Variants in TENM1 observed in about 807,000 individuals in gnomAD.
TENM1 encodes teneurin-1.
A neutral mutation model predicts 174.8 loss-of-function variants in TENM1; 35 were observed. That is an observed-to-expected ratio of 0.20 (90% confidence interval 0.15 to 0.27). TENM1 has a LOEUF of 0.27. TENM1 is among the 10% of genes least tolerant of loss of function. The pLI is 1.00. For missense variants in TENM1, 1,633 were observed against 2,130.1 expected, an observed-to-expected ratio of 0.77 and a Z score of 4.59; for synonymous variants, 781 against 798.7, an observed-to-expected ratio of 0.98 and a Z score of 0.37.
intron 3 of TENM1, among the ~76,000 whole-genome samples, chrX:124,887,228 G>A (rs999386619): frequency 1.8e-5 from 2 of 110,470 alleles, no homozygotes; most frequent in Non-Finnish European, 3.8e-5. Flanking sequence ...CAAGGGACTG[G>A]CTAAAAAAAA....
chrX:124,713,839 C>CG (rs767305119), intron 4 of TENM1, among the ~76,000 whole-genome samples: 1 of 111,789 alleles, frequency 8.9e-6, no homozygotes, highest in East Asian at 2.8e-4. Flanking sequence ...GTTCTATTTG[C>CG]GGGCAAATAT....
At chrX:124,874,604 AT>A (rs2057166001) in intron 3 of TENM1, among the ~76,000 whole-genome samples, 1 of 110,747 alleles carries the variant, frequency 9.0e-6, no homozygotes, top group Admixed American at 9.7e-5. Flanking sequence ...TTTTTGGGCT[AT>A]ATCTAGAAAA....
At chrX:125,203,318 G>A in the TENM1 span, among the ~76,000 whole-genome samples, 1 of 112,736 alleles carries the variant, frequency 8.9e-6, no homozygotes, top group Non-Finnish European at 1.9e-5. Flanking sequence ...TCCAGGGTGG[G>A]AGGGATGCCA....
At chrX:124,595,645 A>T (rs1437877132) in intron 11 of TENM1, among the ~76,000 whole-genome samples, 3 of 112,108 alleles carry the variant, frequency 2.7e-5, no homozygotes, top group Non-Finnish European at 5.6e-5. Context: ...TATAAAAAGA[A>T]ATAAAAGCCA....
chrX:125,031,989 T>C, the TENM1 span, among the ~76,000 whole-genome samples: 4 of 111,514 alleles, frequency 3.6e-5, no homozygotes, highest in African/African-American at 1.3e-4. Context: ...TCAAAAAATA[T>C]TCCACTACCT....
chrX:124,971,887 C>T, the TENM1 span, among the ~76,000 whole-genome samples: 1 of 111,833 alleles, frequency 8.9e-6, no homozygotes, highest in Admixed American at 9.5e-5. Context: ...TGCTTATTAA[C>T]TGTCTATTTA....
At chrX:124,600,168 C>T (rs1400187173) in intron 11 of TENM1, among the ~76,000 whole-genome samples, 4 of 110,275 alleles carry the variant, frequency 3.6e-5, no homozygotes, top group African/African-American at 6.6e-5. Flanking sequence ...CTAAATACCA[C>T]GCCGAGAAAA....
At chrX:124,406,348 C>T (rs148101479) in exon 26 of TENM1, 16 of 1,207,615 alleles carry the variant, frequency 1.3e-5, no homozygotes, top group African/African-American at 1.1e-4. Context: ...TACTAGTTGC[C>T]GTCAAGTTGG....
intron 3 of TENM1, among the ~76,000 whole-genome samples, chrX:124,773,278 T>C (rs1007415282): frequency 9.0e-6 from 1 of 111,055 alleles, no homozygotes; most frequent in East Asian, 2.8e-4. Flanking sequence ...TCATGATTTC[T>C]TATGCTATAA....
intron 18 of TENM1, among the ~76,000 whole-genome samples, chrX:124,517,260 C>T (rs932769295): frequency 1.8e-5 from 2 of 110,542 alleles, no homozygotes; most frequent in Admixed American, 9.6e-5. Context: ...CACGAATTTA[C>T]CTATATAACA....
chrX:124,443,080 G>A (rs188497926), intron 23 of TENM1, among the ~76,000 whole-genome samples: 19 of 101,029 alleles, frequency 1.9e-4, no homozygotes, highest in African/African-American at 5.7e-4. Context: ...GTGTGTGTGT[G>A]TGTGTGTGTG....
intron 20 of TENM1, among the ~76,000 whole-genome samples, chrX:124,492,714 A>G (rs2047098196): frequency 9.0e-6 from 1 of 110,604 alleles, no homozygotes. Flanking sequence ...GTTGGAATAG[A>G]GAAGAAATAA....
intron 23 of TENM1, among the ~76,000 whole-genome samples, chrX:124,442,985 GT>G (rs66767133): frequency 0.25 from 23,196 of 91,433 alleles, 2,681 homozygotes; most frequent in East Asian, 0.78. Flanking sequence ...TAAAACTACT[GT>G]TTTTTTTTTT....
intron 3 of TENM1, among the ~76,000 whole-genome samples, chrX:124,892,182 G>A (rs974723049): frequency 2.7e-5 from 3 of 111,616 alleles, no homozygotes; most frequent in Non-Finnish European, 5.6e-5. Flanking sequence ...CATCTTTCTT[G>A]ACAGACAATT....
the TENM1 span, among the ~76,000 whole-genome samples, chrX:125,044,575 T>C: frequency 9.0e-6 from 1 of 110,987 alleles, no homozygotes; most frequent in African/African-American, 3.3e-5. Flanking sequence ...GGGCGACAGA[T>C]TGAGACCTTG....
At chrX:124,461,328 G>A (rs996993845) in intron 22 of TENM1, among the ~76,000 whole-genome samples, 1 of 111,717 alleles carries the variant, frequency 9.0e-6, no homozygotes, top group Non-Finnish European at 1.9e-5. Flanking sequence ...ACAAAAAATG[G>A]AATGAAGGTC....
intron 22 of TENM1, among the ~76,000 whole-genome samples, chrX:124,480,879 G>A (rs2046827458): frequency 9.0e-6 from 1 of 111,272 alleles, no homozygotes; most frequent in Non-Finnish European, 1.9e-5. Context: ...ACTGAGAAGA[G>A]CAGTTAAATA....
At chrX:124,477,485 G>C (rs765292612) in intron 22 of TENM1, among the ~76,000 whole-genome samples, 18 of 111,824 alleles carry the variant, frequency 1.6e-4, no homozygotes, top group African/African-American at 5.8e-4. Context: ...TAGCAGAAAG[G>C]CAGACAGTGT....
At chrX:124,620,845 A>T (rs1462106316) in intron 11 of TENM1, among the ~76,000 whole-genome samples, 2 of 112,281 alleles carry the variant, frequency 1.8e-5, no homozygotes, top group East Asian at 5.6e-4. Context: ...TTATGGAAAT[A>T]ATTATTATAC....
Sources: gnomAD v4.1 joint callset for allele counts (sites outside exome capture counted in the v4.1 genomes callset) on GRCh38, gnomAD v4.1.1 for gene constraint, MANE v1.5 for transcripts, NCBI Gene and HGNC (gene_info 2026-07-23, HGNC 2026-07-21) for gene names.